Variants in UCHL5 observed in about 807,000 individuals in gnomAD.
The protein encoded by UCHL5 is ubiquitin carboxyl-terminal hydrolase isozyme L5.
In UCHL5, 34 loss-of-function variants were observed where a neutral mutation model predicts 53.8. The ratio of observed to expected loss-of-function variants is 0.63; its 90% CI spans 0.48 to 0.84. UCHL5 has a LOEUF of 0.84. Ranked by LOEUF, UCHL5 falls within the 40% of genes least tolerant of loss-of-function variation. UCHL5 has a pLI of 0.00. For missense variants in UCHL5, 290 were observed against 385.6 expected (o/e 0.75, Z 2.08); for synonymous variants, 111 against 126.3 (o/e 0.88, Z 0.81).
At position 193,025,377 on chromosome 1, in the gene UCHL5, G is replaced by A. The variant is rs182903506; in HGVS notation, c.630-1431C>T. ...GGTTGGTATTTAAAAAGGCTGGGTA[G>A]GGAATGGGGACTTTCATCCCTGCCA... On this transcript the variant is annotated intron_variant, in intron 7 of 10. Coordinates refer to ENST00000367454, the MANE Select transcript of UCHL5 (RefSeq NM_001199261.3). Among the ~76,000 whole-genome samples, 8 of 152,324 alleles carry A rather than the reference G, an allele frequency of 5.3e-5. No homozygotes were observed. In the East Asian group the frequency reaches 1.5e-3, roughly 29 times the overall value.
In UCHL5 at chr1:193,016,378, G is replaced by A. The variant is rs780726385; in HGVS notation, c.960C>T (p.Asn320=). Residue 320 remains asparagine (N), a synonymous_variant, in exon 11 of 11, where the codon AAC becomes AAT. Coordinates refer to ENST00000367454, the MANE Select transcript of UCHL5 (RefSeq NM_001199261.3). ...ATTTGGTTTCCTGAGCTTTCTTTGC[G>A]TTCTGTTTTTCTTTTGCCTAAAAAT... is the stretch of plus-strand genomic sequence containing the variant. ...PLVEKAKEKQ[N]AKKAQETK is the part of the protein sequence containing the mutation. The A allele has an allele frequency of 3.7e-5, 60 of 1,605,872 alleles. No homozygotes were observed. Among genetic ancestry groups the A allele is most frequent in the African/African-American group, 1.2e-4 (9 of 74,178 alleles).
chr1:193,059,656 G>T (rs1479747571), upstream of UCHL5: 2 of 1,377,970 alleles, frequency 1.5e-6, no homozygotes, highest in African/African-American at 2.9e-5. This position sits in a 1 kb window ranked among gnomAD's most constrained non-coding sequence, Gnocchi z 4.9. Context: ...CGGCAGTGGG[G>T]CTGTTGCTGT....
At chr1:193,040,771 A>G (rs1174097356) in intron 3 of UCHL5, among the ~76,000 whole-genome samples, 1 of 152,250 alleles carries the variant, frequency 6.6e-6, no homozygotes, top group Non-Finnish European at 1.5e-5. Flanking sequence ...GAATGGATAA[A>G]GAAAATGTAG....
chr1:193,029,254 G>A lies in UCHL5; in HGVS notation c.490C>T (p.His164Tyr). 2.5e-6 allele frequency: 4 copies of A among 1,613,820 alleles called. No individual in the cohort carries two copies. Among genetic ancestry groups the A allele is most frequent in the Non-Finnish European group, 3.4e-6 (4 of 1,179,828 alleles). Reference sequence around the variant, plus strand: ...TTAACAGGAACATAACTGACAAAGTGAAAAGCATCTTCTTCTTTTGCTGAT... The same window carrying A: ...TTAACAGGAACATAACTGACAAAGTAAAAAGCATCTTCTTCTTTTGCTGAT... ...KTSAKEEDAF[H>Y]FVSYVPVNGR... Residue 164 changes from histidine (H) to tyrosine (Y), a missense_variant, in exon 6 of 11, where the codon CAC (histidine) becomes TAC (tyrosine). Coordinates refer to ENST00000367454, the MANE Select transcript of UCHL5 (RefSeq NM_001199261.3).
chr1:193,052,969 G>T (rs771097541), intron 1 of UCHL5, among the ~76,000 whole-genome samples: 1 of 151,736 alleles, frequency 6.6e-6, no homozygotes, highest in African/African-American at 2.4e-5. Flanking sequence ...GGTTAAAAAA[G>T]AAAAAAAAGT....
At chr1:193,059,801 T>A (rs751097847), upstream of UCHL5, 1 of 1,356,800 alleles carries the variant, frequency 7.4e-7, no homozygotes, top group Admixed American at 2.0e-5. The surrounding 1 kb of genome is among the most constrained non-coding windows in gnomAD (Gnocchi z 4.9). Context: ...GGAGGCCGGC[T>A]GGGAGCCTTT....
intron 3 of UCHL5, 120 bp downstream of exon 3, chr1:193,049,626 T>A: frequency 1.6e-6 from 1 of 638,612 alleles, no homozygotes; most frequent in Non-Finnish European, 2.4e-6. Flanking sequence ...GAGATGTCAA[T>A]AATTTTTAAG....
intron 3 of UCHL5, among the ~76,000 whole-genome samples, chr1:193,037,698 G>A (rs141858574): frequency 9.4e-4 from 143 of 152,154 alleles, no homozygotes; most frequent in African/African-American, 3.3e-3. Flanking sequence ...CAGTATCACT[G>A]ATGATAATAG....
intron 3 of UCHL5, among the ~76,000 whole-genome samples, chr1:193,043,318 TTC>T (rs1666334029): frequency 6.6e-6 from 1 of 152,106 alleles, no homozygotes; most frequent in African/African-American, 2.4e-5. Flanking sequence ...ATTGGTCTTC[TTC>T]CTGTACCTTT....
rs750880270 is a variant in UCHL5, at chr1:193,059,327, G to C, written c.-67C>G. 4 of 1,607,182 alleles carry C rather than the reference G, an allele frequency of 2.5e-6. No individual in the cohort carries two copies. Among genetic ancestry groups the C allele is most frequent in the South Asian group, 1.1e-5 (1 of 90,372 alleles). On this transcript the variant is annotated 5_prime_UTR_variant, in exon 1 of 11. Transcript: ENST00000367454. The surrounding 1 kb of genome is among the most constrained non-coding windows in gnomAD (Gnocchi z 4.9). The stretch of plus-strand genomic sequence containing the variant: ...GCTGCCCCCCGCACCAGCTGCCGCC[G>C]GCCACAGATCTCAGCAAACCCGCCG...
At chr1:193,035,782 T>C (rs1374212871) in intron 3 of UCHL5, among the ~76,000 whole-genome samples, 4 of 151,980 alleles carry the variant, frequency 2.6e-5, no homozygotes, top group Non-Finnish European at 4.4e-5. Flanking sequence ...GCAATACCAA[T>C]AGCAACCTGT....
In UCHL5 at chr1:193,023,020, T is replaced by C. The variant is rs1377451362; in HGVS notation, c.749A>G (p.Asp250Gly). 3 of 1,613,086 alleles carry C rather than the reference T, an allele frequency of 1.9e-6. No individual in the cohort carries two copies. Among genetic ancestry groups the C allele is most frequent in the Admixed American group, 3.3e-5 (2 of 59,994 alleles). Residue 250 changes from aspartate to glycine, a missense_variant, in exon 9 of 11, where the codon GAT becomes GGT. Coordinates refer to ENST00000367454, the MANE Select transcript of UCHL5 (RefSeq NM_001199261.3). ...AGCACTTAACATACTATTACCTTGATCTGTATCCATGGGTTCCTCCTTGGG... is the reference window on the plus strand; with the variant it reads ...AGCACTTAACATACTATTACCTTGACCTGTATCCATGGGTTCCTCCTTGGG... ...RQLAEEPMDT[D>G]QGNSMLSAIQ... is the part of the protein sequence containing the mutation.
intron 7 of UCHL5, among the ~76,000 whole-genome samples, chr1:193,027,475 A>G (rs1245285782): frequency 6.6e-6 from 1 of 152,146 alleles, no homozygotes; most frequent in Admixed American, 6.6e-5. Context: ...ACTTGAGGTC[A>G]GGAGTTTGAG....
chr1:193,029,075 T>C, intron 6 of UCHL5, 104 bp downstream of exon 6: 1 of 1,361,480 alleles, frequency 7.3e-7, no homozygotes, highest in Non-Finnish European at 1.0e-6. Context: ...TGTTACCTCA[T>C]AGTCACTTTT....
intron 3 of UCHL5, among the ~76,000 whole-genome samples, chr1:193,045,648 G>A (rs1371252373): frequency 6.6e-6 from 1 of 152,062 alleles, no homozygotes; most frequent in Non-Finnish European, 1.5e-5. Context: ...AAATTACCCA[G>A]TCTCAGGTAT....
At chr1:193,026,934 A>T (rs944798673) in intron 7 of UCHL5, among the ~76,000 whole-genome samples, 1 of 152,232 alleles carries the variant, frequency 6.6e-6, no homozygotes, top group African/African-American at 2.4e-5. Context: ...TGAACTACTG[A>T]TACACTTAAA....
intron 3 of UCHL5, among the ~76,000 whole-genome samples, chr1:193,042,361 T>A (rs1402404910): frequency 6.6e-6 from 1 of 152,198 alleles, no homozygotes; most frequent in East Asian, 1.9e-4. Flanking sequence ...GCACTTACTT[T>A]GTTTCTTAAA....
chr1:193,018,281 C>T (rs1238773889), intron 10 of UCHL5: 1 of 167,006 alleles, frequency 6.0e-6, no homozygotes, highest in Non-Finnish European at 1.2e-5. Flanking sequence ...TATGATTTTA[C>T]ATCACGTTAA....
At chr1:193,020,427 T>A in intron 10 of UCHL5, 1 of 1,545,534 alleles carries the variant, frequency 6.5e-7, no homozygotes, top group Non-Finnish European at 8.7e-7. Flanking sequence ...GGGGAACTTA[T>A]TAAAGAATCC....
Sources: allele counts gnomAD v4.1 joint callset (sites outside exome capture counted in the v4.1 genomes callset), GRCh38; gene constraint gnomAD v4.1.1; non-coding constraint Gnocchi (gnomAD v3.1); transcripts MANE v1.5; gene names NCBI Gene and HGNC (gene_info 2026-07-23, HGNC 2026-07-21).